Variants in NLGN1 observed in about 807,000 individuals in gnomAD.
NLGN1 encodes neuroligin 1, also known as neuroligin-1.
NLGN1 carries 12 observed loss-of-function variants against 65.5 expected under a neutral mutation model. The ratio of observed to expected loss-of-function variants is 0.18; its 90% confidence interval spans 0.12 to 0.30. The LOEUF is 0.30. Among genes scored for constraint, NLGN1 ranks in the 10% least tolerant of loss-of-function variants. The probability of loss-of-function intolerance (pLI) is 1.00; values close to 1 mark genes in which losing one functional copy is unlikely to be tolerated. For synonymous variants in NLGN1, 350 were observed against 359.5 expected, an observed-to-expected ratio of 0.97 and a Z score of 0.30; for missense variants, 750 against 1,007.1, an observed-to-expected ratio of 0.74 and a Z score of 3.46.
intron 3 of NLGN1, among the ~76,000 whole-genome samples, chr3:173,619,731 T>G (rs1256164127): frequency 6.6e-6 from 1 of 152,204 alleles, no homozygotes; most frequent in East Asian, 1.9e-4. Flanking sequence ...CTCCATTGAC[T>G]GTGCCCTTAG....
At chr3:173,539,785 T>C (rs1310952328) in intron 2 of NLGN1, among the ~76,000 whole-genome samples, 7 of 100,300 alleles carry the variant, frequency 7.0e-5, no homozygotes, top group Admixed American at 1.1e-4. Context: ...CACATATATA[T>C]GTACATATAT....
At chr3:173,824,860 C>T (rs1317138028) in intron 4 of NLGN1, among the ~76,000 whole-genome samples, 1 of 152,018 alleles carries the variant, frequency 6.6e-6, no homozygotes, top group East Asian at 1.9e-4. Context: ...CTCTTATTAA[C>T]CGTATGTAGC....
chr3:173,752,377 T>A (rs570339383), intron 3 of NLGN1, among the ~76,000 whole-genome samples: 9 of 152,106 alleles, frequency 5.9e-5, no homozygotes, highest in Non-Finnish European at 1.2e-4. Context: ...TTACACCTCG[T>A]CATAAGCAGA....
intron 4 of NLGN1, among the ~76,000 whole-genome samples, chr3:173,952,205 A>G (rs757428929): frequency 6.6e-6 from 1 of 152,158 alleles, no homozygotes; most frequent in Non-Finnish European, 1.5e-5. Flanking sequence ...CAGTCCAGTC[A>G]ATCCCATAAA....
chr3:174,117,514 G>A lies in NLGN1; in HGVS notation c.647-157801G>A, dbSNP rs557408808. On this transcript the variant is annotated intron_variant, in intron 4 of 6. Coordinates refer to ENST00000457714, the Ensembl canonical transcript of NLGN1. ...CGGGCGCCTGTAGTCCCAGCTACTC[G>A]GGAGGCTGAGGCAGGAGAAAGGCGT... is the stretch of plus-strand genomic sequence containing the variant. Among the ~76,000 whole-genome samples the A allele has an allele frequency of 9.9e-5, 15 of 151,880 alleles. No homozygotes were observed. The East Asian group carries it at 1.4e-3, about 14-fold the overall frequency.
intron 4 of NLGN1, among the ~76,000 whole-genome samples, chr3:174,176,661 T>G (rs1729501591): frequency 6.6e-6 from 1 of 152,080 alleles, no homozygotes; most frequent in Non-Finnish European, 1.5e-5. Context: ...GAACAGTGAA[T>G]AGTAACTTTG....
At chr3:173,697,099 C>T (rs1375063210) in intron 3 of NLGN1, among the ~76,000 whole-genome samples, 3 of 152,152 alleles carry the variant, frequency 2.0e-5, no homozygotes, top group Non-Finnish European at 4.4e-5. Flanking sequence ...GCCACATTAG[C>T]TTTGATCCTA....
intron 3 of NLGN1, among the ~76,000 whole-genome samples, chr3:173,771,946 C>T (rs1779655270): frequency 1.3e-5 from 2 of 151,778 alleles, no homozygotes; most frequent in Admixed American, 1.3e-4. Flanking sequence ...TTGTCTTTGT[C>T]AACTTTGAAT....
chr3:173,637,322 A>G (rs1033627093), intron 3 of NLGN1, among the ~76,000 whole-genome samples: 2 of 152,264 alleles, frequency 1.3e-5, no homozygotes, highest in South Asian at 2.1e-4. Context: ...TTGCTTTTTC[A>G]TCTGTCCTGC....
At chr3:173,902,747 G>A (rs1560593344) in intron 4 of NLGN1, among the ~76,000 whole-genome samples, 1 of 152,064 alleles carries the variant, frequency 6.6e-6, no homozygotes, top group Non-Finnish European at 1.5e-5. Flanking sequence ...GAGAGAACAT[G>A]ATTATAATTA....
intron 3 of NLGN1, among the ~76,000 whole-genome samples, chr3:173,647,090 ATGACAAAG>A (rs1453291588): frequency 6.6e-6 from 1 of 152,164 alleles, no homozygotes; most frequent in Non-Finnish European, 1.5e-5. Flanking sequence ...CTTGAATTAT[ATGACAAAG>A]TTCACTTCAA....
At chr3:174,060,738 G>A (rs1308333908) in intron 4 of NLGN1, among the ~76,000 whole-genome samples, 1 of 151,970 alleles carries the variant, frequency 6.6e-6, no homozygotes, top group African/African-American at 2.4e-5. Context: ...GCTTTTTGCT[G>A]GCTCAAGCTG....
intron 4 of NLGN1, among the ~76,000 whole-genome samples, chr3:174,017,047 T>C (rs1726711323): frequency 2.6e-5 from 4 of 152,150 alleles, no homozygotes; most frequent in South Asian, 4.1e-4. Context: ...TTGACAGTAG[T>C]GTGTGATCAT....
intron 4 of NLGN1, among the ~76,000 whole-genome samples, chr3:173,882,006 CT>C (rs113624990): frequency 1.6e-4 from 25 of 152,268 alleles, no homozygotes; most frequent in African/African-American, 5.5e-4. Context: ...AAAATTACTC[CT>C]GATCCATGGG....
At chr3:173,546,665 G>A (rs907354504) in intron 2 of NLGN1, among the ~76,000 whole-genome samples, 1 of 152,098 alleles carries the variant, frequency 6.6e-6, no homozygotes, top group African/African-American at 2.4e-5. Context: ...TTATGTATAG[G>A]TATGATAAGC....
Position 173,814,614 on chromosome 3 carries a change from G to T in NLGN1, c.646+6782G>T, listed in dbSNP as rs1718646162. Among the ~76,000 whole-genome samples, 5 of 152,170 alleles carry T rather than the reference G, an allele frequency of 3.3e-5. No individual in the cohort carries two copies. In the South Asian group the frequency reaches 1.0e-3, roughly 31 times the overall value. On this transcript the variant is annotated intron_variant, in intron 4 of 6. Transcript: ENST00000457714. ...AGTGTGTCAATTATTGTGGATGTTA[G>T]TTAAAAGAAGTAAAATGGTGTGTGT... is the stretch of plus-strand genomic sequence containing the variant.
At chr3:174,215,988 A>G (rs1737526193) in intron 4 of NLGN1, among the ~76,000 whole-genome samples, 1 of 152,108 alleles carries the variant, frequency 6.6e-6, no homozygotes, top group African/African-American at 2.4e-5. Flanking sequence ...TCTTCTTAAC[A>G]TTCAGAGGAG....
chr3:174,144,702 C>A (rs527322970), intron 4 of NLGN1, among the ~76,000 whole-genome samples: 34 of 152,276 alleles, frequency 2.2e-4, no homozygotes, highest in Non-Finnish European at 2.5e-4. Context: ...TTGTTGGCCA[C>A]ATAAATATCT....
intron 2 of NLGN1, among the ~76,000 whole-genome samples, chr3:173,450,843 G>T (rs1306769438): frequency 6.6e-6 from 1 of 152,064 alleles, no homozygotes; most frequent in Non-Finnish European, 1.5e-5. Context: ...CTTTCTTCCA[G>T]TTGATCGCGT....
Sources: allele counts gnomAD v4.1 joint callset (sites outside exome capture counted in the v4.1 genomes callset), GRCh38; gene constraint gnomAD v4.1.1; transcripts MANE v1.5; gene names NCBI Gene and HGNC (gene_info 2026-07-23, HGNC 2026-07-21).